Variants in OPCML observed in about 807,000 individuals in gnomAD.
OPCML encodes opioid binding protein/cell adhesion molecule like.
OPCML carries 13 observed loss-of-function variants against 37.8 expected under a neutral mutation model. That is an observed-to-expected ratio of 0.34 (90% CI 0.22 to 0.55). The LOEUF is 0.55. OPCML is among the 20% of genes least tolerant of loss of function. The pLI, the probability that OPCML is intolerant of heterozygous loss-of-function variation, is 0.91. For missense variants in OPCML, 341 were observed against 435.6 expected, an observed-to-expected ratio of 0.78 and a Z score of 1.93; for synonymous variants, 176 against 168.8, an observed-to-expected ratio of 1.04 and a Z score of -0.33.
At chr11:133,315,684 G>A (rs1157928255) in intron 1 of OPCML, among the ~76,000 whole-genome samples, 1 of 152,150 alleles carries the variant, frequency 6.6e-6, no homozygotes, top group Non-Finnish European at 1.5e-5. Flanking sequence ...TGTAGTTCCA[G>A]CTACTTGGGA....
At chr11:132,609,181 AGGG>A (rs1443616317) in intron 3 of OPCML, among the ~76,000 whole-genome samples, 1 of 152,148 alleles carries the variant, frequency 6.6e-6, no homozygotes, top group Non-Finnish European at 1.5e-5. Context: ...ATGCAAGGGC[AGGG>A]GGTCTCAAAA....
At chr11:132,866,139 A>G (rs1190496995) in intron 2 of OPCML, among the ~76,000 whole-genome samples, 1 of 152,218 alleles carries the variant, frequency 6.6e-6, no homozygotes, top group Non-Finnish European at 1.5e-5. Context: ...TGCGATCTCA[A>G]ATTATAGGTA....
chr11:133,481,423 T>C (rs897584102), intron 1 of OPCML, among the ~76,000 whole-genome samples: 6 of 151,410 alleles, frequency 4.0e-5, no homozygotes, highest in Admixed American at 4.0e-4. Flanking sequence ...CATTGTACCA[T>C]AATTCTTCTC....
At chr11:132,508,070 G>A (rs1449369165) in intron 4 of OPCML, among the ~76,000 whole-genome samples, 2 of 151,986 alleles carry the variant, frequency 1.3e-5, no homozygotes, top group Non-Finnish European at 1.5e-5. Context: ...ATACCTAATA[G>A]AAAACACTAG....
At chr11:132,760,560 CT>C (rs200647564) in intron 2 of OPCML, among the ~76,000 whole-genome samples, 2,246 of 126,710 alleles carry the variant, frequency 0.018, 51 homozygotes, top group South Asian at 0.018. Flanking sequence ...TAATGCCCTT[CT>C]TTTTTTTTTT....
intron 1 of OPCML, among the ~76,000 whole-genome samples, chr11:133,179,237 TAAATA>T (rs1230781553): frequency 2.6e-5 from 4 of 152,056 alleles, no homozygotes; most frequent in Non-Finnish European, 4.4e-5. Context: ...AAAAATAATA[TAAATA>T]AAATAATGCA....
intron 2 of OPCML, among the ~76,000 whole-genome samples, chr11:132,780,013 A>C (rs1946947391): frequency 6.6e-6 from 1 of 152,148 alleles, no homozygotes; most frequent in Admixed American, 6.5e-5. Flanking sequence ...TAGATCACAT[A>C]GTGTGTGAGA....
chr11:133,408,867 G>A (rs1945583875), intron 1 of OPCML, among the ~76,000 whole-genome samples: 1 of 152,234 alleles, frequency 6.6e-6, no homozygotes, highest in African/African-American at 2.4e-5. Context: ...AAGACCTGCT[G>A]TAATAATAGA....
At chr11:133,386,475 G>A (rs1164976695) in intron 1 of OPCML, among the ~76,000 whole-genome samples, 1 of 152,042 alleles carries the variant, frequency 6.6e-6, no homozygotes, top group Non-Finnish European at 1.5e-5. Flanking sequence ...TCCCAACAAC[G>A]GCACTTCCTT....
intron 1 of OPCML, among the ~76,000 whole-genome samples, chr11:133,430,462 T>C (rs1298615629): frequency 6.6e-6 from 1 of 152,046 alleles, no homozygotes; most frequent in Non-Finnish European, 1.5e-5. Context: ...AATAATAAAA[T>C]ATTAAAACAC....
intron 1 of OPCML, among the ~76,000 whole-genome samples, chr11:133,244,381 G>T (rs528240409): frequency 1.3e-5 from 2 of 152,008 alleles, no homozygotes; most frequent in Non-Finnish European, 2.9e-5. Context: ...CCCCCAAAAT[G>T]TTAGCCATTA....
At chr11:133,109,537 T>G (rs1401808811) in intron 1 of OPCML, among the ~76,000 whole-genome samples, 1 of 152,222 alleles carries the variant, frequency 6.6e-6, no homozygotes, top group African/African-American at 2.4e-5. Context: ...TACAATCCCC[T>G]TGCTAGCTAC....
chr11:132,493,527 C>G (rs150610353), intron 4 of OPCML, among the ~76,000 whole-genome samples: 1 of 152,172 alleles, frequency 6.6e-6, no homozygotes. Flanking sequence ...TCTCTGTCCA[C>G]GTCCCTTTAT....
intron 3 of OPCML, among the ~76,000 whole-genome samples, chr11:132,622,822 C>T (rs1371597585): frequency 6.6e-6 from 1 of 152,016 alleles, no homozygotes; most frequent in Non-Finnish European, 1.5e-5. Context: ...TATCATATTG[C>T]ACTAGTATTG....
intron 1 of OPCML, among the ~76,000 whole-genome samples, chr11:133,088,236 G>T (rs1251081187): frequency 1.5e-5 from 1 of 67,098 alleles, no homozygotes; most frequent in Non-Finnish European, 3.0e-5. Context: ...GCTAAGTACT[G>T]AGACAGAAAA....
At chr11:133,079,108 C>T (rs1172757495) in intron 1 of OPCML, among the ~76,000 whole-genome samples, 2 of 152,156 alleles carry the variant, frequency 1.3e-5, no homozygotes. Flanking sequence ...ACACGCCCGC[C>T]TGAATTGATC....
chr11:133,296,317 C>T (rs1009758298), intron 1 of OPCML, among the ~76,000 whole-genome samples: 3 of 152,068 alleles, frequency 2.0e-5, no homozygotes, highest in African/African-American at 4.8e-5. Flanking sequence ...CTGCAGTTAG[C>T]GGTTTATTTG....
At chr11:132,468,535 C>G (rs2096126312) in intron 4 of OPCML, among the ~76,000 whole-genome samples, 1 of 152,146 alleles carries the variant, frequency 6.6e-6, no homozygotes, top group Admixed American at 6.5e-5. Context: ...TATACTGCAG[C>G]TACAAAAATA....
At chr11:132,481,204 C>G (rs900653908) in intron 4 of OPCML, among the ~76,000 whole-genome samples, 1 of 151,970 alleles carries the variant, frequency 6.6e-6, no homozygotes, top group African/African-American at 2.4e-5. Flanking sequence ...CACACATAGG[C>G]TCAAAATAAA....
Sources: gnomAD v4.1 joint callset for allele counts (sites outside exome capture counted in the v4.1 genomes callset) on GRCh38, gnomAD v4.1.1 for gene constraint, MANE v1.5 for transcripts, NCBI Gene and HGNC (gene_info 2026-07-23, HGNC 2026-07-21) for gene names.